The following RELL1 variants were observed in gnomAD, a reference collection of about 807,000 sequenced individuals.
RELL1 encodes the protein RELT-like protein 1.
RELL1 carries 10 observed loss-of-function variants against 23.0 expected under a neutral mutation model. The observed-to-expected ratio is 0.43, with a 90% confidence interval of 0.27 to 0.74. RELL1 has a LOEUF of 0.74. Ranked by LOEUF, RELL1 falls within the 30% of genes least tolerant of loss-of-function variation. The pLI is 0.19. For synonymous variants in RELL1, 146 were observed against 146.8 expected, an observed-to-expected ratio of 0.99 and a Z score of 0.04; for missense variants, 315 against 364.4, an observed-to-expected ratio of 0.86 and a Z score of 1.10.
chr4:37,669,248 C>A (rs1375030346), intron 1 of RELL1, among the ~76,000 whole-genome samples: 1 of 141,056 alleles, frequency 7.1e-6, no homozygotes, highest in Non-Finnish European at 1.5e-5. Flanking sequence ...GGTCAGCCCC[C>A]CGCCCGGCCA....
chr4:37,683,751 C>CT (rs1479215953), intron 1 of RELL1, among the ~76,000 whole-genome samples: 2 of 150,590 alleles, frequency 1.3e-5, no homozygotes, highest in Non-Finnish European at 2.9e-5. Flanking sequence ...GAGCAAGACT[C>CT]TGTCTCAAAA....
chr4:37,682,610 CAG>C (rs1433514101), intron 1 of RELL1, among the ~76,000 whole-genome samples: 4 of 152,166 alleles, frequency 2.6e-5, no homozygotes, highest in Admixed American at 6.6e-5. Context: ...AGGGAATTGA[CAG>C]AGACTTCTCA....
intron 1 of RELL1, among the ~76,000 whole-genome samples, chr4:37,668,102 G>A (rs989890444): frequency 4.6e-5 from 7 of 151,998 alleles, no homozygotes; most frequent in African/African-American, 1.7e-4. Flanking sequence ...AGTGTTTTGT[G>A]TCTTAGCATT....
At chr4:37,656,158 A>G (rs952261297) in intron 1 of RELL1, among the ~76,000 whole-genome samples, 2 of 152,232 alleles carry the variant, frequency 1.3e-5, no homozygotes, top group Admixed American at 6.5e-5. Context: ...TGAAAATGGA[A>G]TATTATTCAG....
chr4:37,639,383 C>CAAAAAA lies in RELL1; in HGVS notation c.386-885_386-880dup, dbSNP rs58310167. Among the ~76,000 whole-genome samples, 36 of 66,256 alleles carry CAAAAAA rather than the reference C, an allele frequency of 5.4e-4. 1 individual carries two copies. The highest frequency in any genetic ancestry group is 4.0e-4 in the East Asian group (1 of 2,486). 43.5% of individuals were successfully genotyped at this position (66,256 alleles called of 152,430 possible). ...TGGGCGATGAAGCGAGACTCTGTCT[C>CAAAAAA]AAAAAAAAAAAAAAAAAAAAAAAAA... On this transcript the variant is annotated intron_variant, in intron 3 of 6. Coordinates refer to ENST00000454158, the MANE Select transcript of RELL1 (RefSeq NM_001085400.2).
chr4:37,641,916 T>A (rs181273008), intron 3 of RELL1, among the ~76,000 whole-genome samples: 9 of 152,264 alleles, frequency 5.9e-5, no homozygotes, highest in African/African-American at 2.2e-4. Context: ...GGTAGAATTA[T>A]CACCCCCATT....
chr4:37,592,695 A>G (rs1210372904), intron 6 of RELL1, among the ~76,000 whole-genome samples: 4 of 152,262 alleles, frequency 2.6e-5, no homozygotes, highest in African/African-American at 9.6e-5. Context: ...CAGCTTTGCC[A>G]TGTGACCTTG....
chr4:37,589,171 A>G (rs748279506), downstream of RELL1, among the ~76,000 whole-genome samples: 6 of 152,192 alleles, frequency 3.9e-5, no homozygotes, highest in Non-Finnish European at 7.3e-5. Flanking sequence ...GATGCCTGAA[A>G]TGGCATCGCT....
At chr4:37,678,505 C>T (rs1722094285) in intron 1 of RELL1, among the ~76,000 whole-genome samples, 1 of 152,212 alleles carries the variant, frequency 6.6e-6, no homozygotes, top group African/African-American at 2.4e-5. Flanking sequence ...TCGGGCACTG[C>T]CCAACATCCC....
At chr4:37,649,541 A>C in intron 1 of RELL1, 41 bp from the exon 2 acceptor site, 3 of 1,557,612 alleles carry the variant, frequency 1.9e-6, no homozygotes, top group Non-Finnish European at 2.6e-6. Context: ...ATATCTGTCC[A>C]GGGCAAGAAA....
chr4:37,634,818 G>A (rs969744458), intron 5 of RELL1, 69 bp downstream of exon 5: 1 of 1,260,822 alleles, frequency 7.9e-7, no homozygotes, highest in African/African-American at 1.5e-5. Flanking sequence ...CATCTGACAG[G>A]TAAGCAGAAG....
At chr4:37,631,696 C>T (rs1008126156) in intron 5 of RELL1, among the ~76,000 whole-genome samples, 173 bp from the exon 6 acceptor site, 1 of 152,204 alleles carries the variant, frequency 6.6e-6, no homozygotes, top group Admixed American at 6.5e-5. Flanking sequence ...ATTCCCCTGG[C>T]CCCTGCCCAA....
intron 3 of RELL1, among the ~76,000 whole-genome samples, chr4:37,643,833 G>A (rs1484776794): frequency 6.6e-6 from 1 of 152,230 alleles, no homozygotes; most frequent in East Asian, 1.9e-4. Context: ...CCAGGCTGTG[G>A]TTTTGGTGCA....
At chr4:37,629,290 C>A (rs1442047866) in intron 6 of RELL1, among the ~76,000 whole-genome samples, 1 of 152,198 alleles carries the variant, frequency 6.6e-6, no homozygotes, top group East Asian at 1.9e-4. Context: ...TAGCCAAGTC[C>A]TTCACTGACC....
intron 5 of RELL1, among the ~76,000 whole-genome samples, chr4:37,634,187 C>T (rs1002983180): frequency 2.0e-5 from 3 of 152,198 alleles, no homozygotes; most frequent in South Asian, 2.1e-4. Flanking sequence ...ATATGGGTCA[C>T]AAGTGAAAGG....
intron 1 of RELL1, among the ~76,000 whole-genome samples, chr4:37,669,512 A>G (rs996268365): frequency 7.2e-5 from 11 of 151,878 alleles, no homozygotes; most frequent in Admixed American, 1.3e-4. Context: ...CTGCCCGGCC[A>G]CCACCCTGTC....
intron 1 of RELL1, among the ~76,000 whole-genome samples, chr4:37,650,502 C>A (rs1049071582): frequency 6.6e-6 from 1 of 152,006 alleles, no homozygotes; most frequent in Non-Finnish European, 1.5e-5. Flanking sequence ...CAAGTATACA[C>A]GGGCAGATCG....
intron 1 of RELL1, among the ~76,000 whole-genome samples, chr4:37,651,795 G>A (rs1421443360): frequency 1.3e-5 from 2 of 152,180 alleles, no homozygotes; most frequent in African/African-American, 4.8e-5. Context: ...ACTTCAAGTA[G>A]AACCATTCCC....
chr4:37,662,578 T>TA (rs11333339), intron 1 of RELL1, among the ~76,000 whole-genome samples: 212 of 138,800 alleles, frequency 1.5e-3, no homozygotes, highest in Middle Eastern at 3.7e-3. Context: ...AGAAACATCT[T>TA]AAAAAAAAAA....
Sources: gnomAD v4.1 joint callset for allele counts (sites outside exome capture counted in the v4.1 genomes callset) on GRCh38, gnomAD v4.1.1 for gene constraint, MANE v1.5 for transcripts, NCBI Gene and HGNC (gene_info 2026-07-23, HGNC 2026-07-21) for gene names.